The following RNF169 variants were observed in gnomAD, a reference collection of about 807,000 sequenced individuals.
The protein encoded by RNF169 is ring finger protein 169.
Under a neutral mutation model 53.9 loss-of-function variants are expected in RNF169, and 24 were observed. That is an observed-to-expected ratio of 0.45 (90% CI 0.32 to 0.63). RNF169 has a LOEUF of 0.63. Ranked by LOEUF, RNF169 falls within the 20% of genes least tolerant of loss-of-function variation. RNF169 has a pLI of 0.04. For synonymous variants in RNF169, 396 were observed against 363.5 expected (o/e 1.09, Z -1.02); for missense variants, 883 against 906.2 (o/e 0.97, Z 0.33).
At chr11:74,826,844 C>T (rs544928966) in intron 4 of RNF169, among the ~76,000 whole-genome samples, 46 of 152,360 alleles carry the variant, frequency 3.0e-4, no homozygotes, top group Non-Finnish European at 6.5e-4. Context: ...GGTGGGCTCC[C>T]AGGGCCTTGA....
intron 3 of RNF169, among the ~76,000 whole-genome samples, chr11:74,812,786 A>G (rs1035531492): frequency 6.6e-6 from 1 of 152,184 alleles, no homozygotes; most frequent in African/African-American, 2.4e-5. Flanking sequence ...AGCGAGACTG[A>G]TCATTTCACT....
At chr11:74,798,494 C>T (rs1023498855) in intron 2 of RNF169, among the ~76,000 whole-genome samples, 1 of 152,176 alleles carries the variant, frequency 6.6e-6, no homozygotes, top group Non-Finnish European at 1.5e-5. Context: ...AACCCTGTCT[C>T]CTGATAAGAT....
chr11:74,768,361 C>T (rs1006516164), intron 1 of RNF169, among the ~76,000 whole-genome samples: 1 of 151,982 alleles, frequency 6.6e-6, no homozygotes, highest in African/African-American at 2.4e-5. Context: ...AATCCCAGCA[C>T]TTCAGGAGGC....
chr11:74,774,379 C>CA (rs200963092), intron 1 of RNF169, among the ~76,000 whole-genome samples: 6,684 of 148,272 alleles, frequency 0.045, 241 homozygotes, highest in Middle Eastern at 0.07. Flanking sequence ...AAGAAACAAA[C>CA]AAAAAAAAAC....
chr11:74,817,505 C>A, intron 3 of RNF169, 91 bp from the exon 4 acceptor site: 1 of 763,312 alleles, frequency 1.3e-6, no homozygotes, highest in South Asian at 1.6e-5. Context: ...CACAGAGAAG[C>A]GACATAGAGA....
chr11:74,824,246 G>C (rs2036060425), intron 4 of RNF169, among the ~76,000 whole-genome samples: 1 of 152,132 alleles, frequency 6.6e-6, no homozygotes, highest in South Asian at 2.1e-4. Flanking sequence ...GAGCTGAAAA[G>C]TACAGTGACA....
rs145101506 is a variant in RNF169, at chr11:74,763,148, T to G, written c.502+13766T>G. Among the ~76,000 whole-genome samples the G allele has an allele frequency of 6.5e-3, 993 of 152,304 alleles. 16 individuals carry two copies. Among genetic ancestry groups the G allele is most frequent in the African/African-American group, 0.022 (931 of 41,556 alleles). The stretch of plus-strand genomic sequence containing the variant: ...AAATTGAAGCACAAGATCTATACTT[T>G]GCTTACATTTGGGAACTGGGTTTAT... On this transcript the variant is annotated intron_variant, in intron 1 of 5. Transcript: ENST00000299563.
chr11:74,757,305 T>C (rs2035000430), intron 1 of RNF169, among the ~76,000 whole-genome samples: 1 of 110,964 alleles, frequency 9.0e-6, no homozygotes, highest in South Asian at 3.8e-4. Context: ...GTTTCATCCA[T>C]GTCCCTACAA....
In RNF169 at chr11:74,836,775, A is replaced by G. The variant is rs746747199; in HGVS notation, c.*45A>G. 1 of 1,426,052 alleles carries G rather than the reference A, an allele frequency of 7.0e-7. No homozygotes were observed. Among genetic ancestry groups the G allele is most frequent in the Non-Finnish European group, 9.6e-7 (1 of 1,045,910 alleles). 88.3% of individuals were successfully genotyped at this position (1,426,052 alleles called of 1,614,324 possible). ...TATTTTTAAAAGGTCTTAGGCCTTG[A>G]TCATTTATCCTGAAGAGCTGAGTGT... On this transcript the variant is annotated 3_prime_UTR_variant, in exon 6 of 6. Coordinates refer to ENST00000299563, the MANE Select transcript of RNF169 (RefSeq NM_001098638.2).
intron 2 of RNF169, among the ~76,000 whole-genome samples, chr11:74,790,275 G>A (rs1037262715): frequency 3.9e-5 from 6 of 152,176 alleles, no homozygotes; most frequent in African/African-American, 1.2e-4. Context: ...GTAATAAGAA[G>A]TATGTTGCTA....
rs2034845174 is a variant in RNF169 at position 74,749,262 on chromosome 11, G to A, written c.382G>A (p.Val128Met). The change falls in exon 1 of 6, where the codon GTG becomes ATG. Residue 128 changes from valine to methionine, a missense_variant. Val to Met is a conservative substitution (Grantham distance 21). This residue lies in a region of RNF169 where 313 missense variants were observed against 279.9 expected (regional missense o/e 1.12). Coordinates refer to ENST00000299563, the MANE Select transcript of RNF169 (RefSeq NM_001098638.2). ...ARDDGQADSE[V>M]LGECARRSQP... Reference sequence around the variant, plus strand: ...CGACGACGGCCAGGCCGACTCAGAGGTGCTGGGCGAGTGCGCCCGCCGCAG... The same window carrying A: ...CGACGACGGCCAGGCCGACTCAGAGATGCTGGGCGAGTGCGCCCGCCGCAG... 2 of 1,124,474 alleles carry A rather than the reference G, an allele frequency of 1.8e-6. No homozygotes were observed. The highest frequency in any genetic ancestry group is 2.2e-6 in the Non-Finnish European group (2 of 920,582). The allele number at this position is 1,124,474 out of a possible 1,614,324, so 69.7% of individuals were successfully genotyped here.
intron 1 of RNF169, among the ~76,000 whole-genome samples, chr11:74,785,197 G>C (rs970328444): frequency 5.4e-5 from 6 of 111,074 alleles, no homozygotes; most frequent in Admixed American, 2.7e-4. Flanking sequence ...ATATATATAT[G>C]ATATATATAT....
rs138242181 is a variant in RNF169 at position 74,809,340 on chromosome 11, T to C, written c.577-844T>C. ...ACTATAGGTACACAGCAAGACTCTG[T>C]TAATAAATACTATTATATTGTTATC... On this transcript the variant is annotated intron_variant, in intron 2 of 5. Coordinates refer to ENST00000299563, the MANE Select transcript of RNF169 (RefSeq NM_001098638.2). Among the ~76,000 whole-genome samples, 445 of 152,344 alleles carry C rather than the reference T, an allele frequency of 2.9e-3. 1 individual carries two copies. The highest frequency in any genetic ancestry group is 5.8e-3 in the Admixed American group (88 of 15,292).
chr11:74,761,722 T>C (rs1256983748), intron 1 of RNF169, among the ~76,000 whole-genome samples: 1 of 152,114 alleles, frequency 6.6e-6, no homozygotes, highest in African/African-American at 2.4e-5. Context: ...CCTTTCTCTC[T>C]GGCTGCCCTT....
chr11:74,802,255 G>C (rs943714104), intron 2 of RNF169, among the ~76,000 whole-genome samples: 1 of 152,216 alleles, frequency 6.6e-6, no homozygotes, highest in Non-Finnish European at 1.5e-5. Flanking sequence ...CAGTGGAATT[G>C]AGAGTACAGT....
At chr11:74,808,009 C>A (rs116942452) in intron 2 of RNF169, 1 of 151,982 alleles carries the variant, frequency 6.6e-6, no homozygotes, top group Admixed American at 6.6e-5. Context: ...CTCAGCATTG[C>A]GGTGAAAATG....
At chr11:74,765,185 G>A (rs2035153074) in intron 1 of RNF169, among the ~76,000 whole-genome samples, 1 of 152,176 alleles carries the variant, frequency 6.6e-6, no homozygotes, top group African/African-American at 2.4e-5. Flanking sequence ...CTCCAACCTA[G>A]GTGACAGAGC....
chr11:74,795,698 A>G (rs917288964), intron 2 of RNF169, among the ~76,000 whole-genome samples: 6 of 151,768 alleles, frequency 4.0e-5, no homozygotes, highest in African/African-American at 1.5e-4. Context: ...CTATCTCTAC[A>G]AAAAATAAAT....
At chr11:74,806,084 A>C (rs2035801851) in intron 2 of RNF169, among the ~76,000 whole-genome samples, 1 of 152,126 alleles carries the variant, frequency 6.6e-6, no homozygotes, top group South Asian at 2.1e-4. Context: ...GTATTCATAT[A>C]TTTTTCCTGA....
Sources: allele counts gnomAD v4.1 joint callset (sites outside exome capture counted in the v4.1 genomes callset), GRCh38; gene constraint gnomAD v4.1.1; regional missense constraint gnomAD v4.1.1; transcripts MANE v1.5; gene names NCBI Gene and HGNC (gene_info 2026-07-23, HGNC 2026-07-21).